The following OTUD7A variants were observed in gnomAD, a reference collection of about 807,000 sequenced individuals.
OTUD7A encodes the protein OTU deubiquitinase 7A, also known as OTU domain-containing protein 7A.
A neutral mutation model predicts 65.7 loss-of-function variants in OTUD7A; 12 were observed. That is an observed-to-expected ratio of 0.18 (90% CI 0.12 to 0.30). The LOEUF (loss-of-function observed/expected upper bound fraction) is 0.30, where lower values mean the gene tolerates loss of function less well. Ranked by LOEUF, OTUD7A falls within the 10% of genes least tolerant of loss-of-function variation. OTUD7A has a pLI of 1.00. For missense variants in OTUD7A, 1,148 were observed against 1,304.8 expected (o/e 0.88, Z 1.85); for synonymous variants, 641 against 586.3 (o/e 1.09, Z -1.35).
intron 1 of OTUD7A, among the ~76,000 whole-genome samples, chr15:31,662,067 A>T (rs1892180723): frequency 6.6e-6 from 1 of 152,208 alleles, no homozygotes; most frequent in African/African-American, 2.4e-5. Flanking sequence ...AATTTGGGGC[A>T]CACTTTGGTG....
rs910028728 is a variant in OTUD7A, at chr15:31,482,047, C to T, written c.*1247G>A. 1 of 152,202 alleles carries T rather than the reference C, an allele frequency of 6.6e-6. No homozygotes were observed. The highest frequency in any genetic ancestry group is 1.5e-5 in the Non-Finnish European group (1 of 68,044). The allele number at this position is 152,202 out of a possible 1,614,324, so 9.4% of individuals were successfully genotyped here. On this transcript the variant is annotated 3_prime_UTR_variant, in exon 13 of 13. Transcript: ENST00000307050. ...TGTCCTTGGCCAAGAACGGTGTTCT[C>T]CGGAGGTAATCTTGGAAGGAAGAGG... is the stretch of plus-strand genomic sequence containing the variant.
intron 8 of OTUD7A, among the ~76,000 whole-genome samples, chr15:31,523,077 T>C (rs1338900742): frequency 6.6e-6 from 1 of 152,204 alleles, no homozygotes; most frequent in Non-Finnish European, 1.5e-5. Context: ...CTGCAAACTC[T>C]CCCTTGACTT....
chr15:31,698,362 C>T (rs1893131898), intron 1 of OTUD7A, among the ~76,000 whole-genome samples: 3 of 152,144 alleles, frequency 2.0e-5, no homozygotes, highest in African/African-American at 7.2e-5. Flanking sequence ...AGAGAGTCAT[C>T]CCTCCACCCC....
chr15:31,584,440 T>C (rs1889467040), intron 3 of OTUD7A, among the ~76,000 whole-genome samples: 1 of 152,196 alleles, frequency 6.6e-6, no homozygotes, highest in Admixed American at 6.5e-5. Flanking sequence ...TGACCCGCCC[T>C]GGGCTCAACA....
intron 1 of OTUD7A, among the ~76,000 whole-genome samples, chr15:31,835,936 A>C (rs1897045360): frequency 9.4e-6 from 1 of 106,864 alleles, no homozygotes; most frequent in South Asian, 4.2e-4. Context: ...GAGGATCCCT[A>C]ATCTGAAAAT....
chr15:31,565,682 G>C lies in OTUD7A; in HGVS notation c.331+4336C>G, dbSNP rs529386335. On this transcript the variant is annotated intron_variant, in intron 4 of 12. Transcript: ENST00000307050. The stretch of plus-strand genomic sequence containing the variant: ...TGAAACCACTGAGTCAAGTGTAACA[G>C]GGGGGCAGCCACAGGGGTGGGCAGA... Among the ~76,000 whole-genome samples the C allele has an allele frequency of 2.6e-5, 4 of 152,290 alleles. No homozygotes were observed. The East Asian group carries it at 5.8e-4, about 22-fold the overall frequency.
rs555716404 is a variant in OTUD7A at position 31,595,592 on chromosome 15, C to T, written c.152-25395G>A. 2.1e-3 allele frequency among the ~76,000 whole-genome samples: 319 copies of T among 152,330 alleles called. 3 individuals are homozygous for T. The highest frequency in any genetic ancestry group is 7.4e-3 in the African/African-American group (308 of 41,576). ...CAGCCAATCCCTCTGGCATCATTTC[C>T]TACAAAGTATCACACACATAGTAGC... On this transcript the variant is annotated intron_variant, in intron 3 of 12. Transcript: ENST00000307050.
chr15:31,834,804 A>T lies in OTUD7A; in HGVS notation c.-100+35703T>A, dbSNP rs574122004. ...TGGTTATCTGCAGTGTATGAACACT[A>T]CTAATTCAGGCAGCATCCTAAAAGG... On this transcript the variant is annotated intron_variant, in intron 1 of 12. Transcript: ENST00000307050. Among the ~76,000 whole-genome samples, 4 of 152,374 alleles carry T rather than the reference A, an allele frequency of 2.6e-5. No homozygotes were observed. In the East Asian group the frequency reaches 7.7e-4, roughly 29 times the overall value.
At chr15:31,602,201 C>G (rs1008655740) in intron 3 of OTUD7A, among the ~76,000 whole-genome samples, 3 of 152,062 alleles carry the variant, frequency 2.0e-5, no homozygotes, top group African/African-American at 7.2e-5. Context: ...TGAAAAAATC[C>G]TCAATAAAAT....
chr15:31,597,584 G>A (rs111551264), intron 3 of OTUD7A, among the ~76,000 whole-genome samples: 109 of 151,398 alleles, frequency 7.2e-4, no homozygotes, highest in African/African-American at 2.6e-3. Context: ...ACTCCATCCT[G>A]TTCTGGGATA....
chr15:31,480,981 G>T lies in OTUD7A; in HGVS notation c.*2313C>A, dbSNP rs2041109225. ...ACTTGGAAATGCAAGGGTAGAATAG[G>T]TCCTGGTGTTTTGATAATTACGTAC... On this transcript the variant is annotated 3_prime_UTR_variant, in exon 13 of 13. Transcript: ENST00000307050. The T allele has an allele frequency of 6.6e-6, 1 of 152,252 alleles. No homozygotes were observed. The highest frequency in any genetic ancestry group is 1.5e-5 in the Non-Finnish European group (1 of 68,042). The allele number at this position is 152,252 out of a possible 1,614,324, so 9.4% of individuals were successfully genotyped here.
intron 1 of OTUD7A, among the ~76,000 whole-genome samples, chr15:31,684,506 C>T (rs1892791384): frequency 6.6e-6 from 1 of 151,846 alleles, no homozygotes; most frequent in African/African-American, 2.4e-5. Flanking sequence ...AAGGCTGCAA[C>T]CAAAATGTGA....
intron 1 of OTUD7A, among the ~76,000 whole-genome samples, chr15:31,715,300 T>C (rs1191499884): frequency 6.9e-6 from 1 of 145,174 alleles, no homozygotes. Flanking sequence ...GGCGCCTGGC[T>C]GTCCAGAACC....
chr15:31,673,193 G>A (rs963786728), intron 1 of OTUD7A, among the ~76,000 whole-genome samples: 3 of 152,220 alleles, frequency 2.0e-5, no homozygotes, highest in Admixed American at 1.3e-4. Context: ...CTTGACTTAT[G>A]ATGGGGTAAC....
intron 1 of OTUD7A, among the ~76,000 whole-genome samples, chr15:31,748,214 TGAAA>T (rs1894531200): frequency 6.6e-6 from 1 of 152,114 alleles, no homozygotes; most frequent in Non-Finnish European, 1.5e-5. Flanking sequence ...ACTATAGTTA[TGAAA>T]GAGAGTGTCC....
At chr15:31,530,581 G>T in intron 6 of OTUD7A, 126 bp downstream of exon 6, 1 of 841,688 alleles carries the variant, frequency 1.2e-6, no homozygotes, top group Non-Finnish European at 1.8e-6. Flanking sequence ...ACTTTCTCAT[G>T]ACAGTGACAT....
intron 1 of OTUD7A, among the ~76,000 whole-genome samples, chr15:31,664,611 T>C (rs189575960): frequency 6.6e-5 from 10 of 152,342 alleles, no homozygotes; most frequent in Admixed American, 6.5e-4. Flanking sequence ...GTGGGGTATC[T>C]GTTTACTCTG....
intron 1 of OTUD7A, among the ~76,000 whole-genome samples, chr15:31,833,574 T>C (rs1377458205): frequency 1.3e-5 from 2 of 152,230 alleles, no homozygotes; most frequent in African/African-American, 4.8e-5. Context: ...AAAATATCCA[T>C]TCTGACCACT....
intron 1 of OTUD7A, among the ~76,000 whole-genome samples, chr15:31,811,989 G>A (rs1347672137): frequency 6.6e-6 from 1 of 152,234 alleles, no homozygotes; most frequent in Non-Finnish European, 1.5e-5. Flanking sequence ...GCTGCGGGAG[G>A]ATGCTGGTCA....
Sources: allele counts gnomAD v4.1 joint callset (sites outside exome capture counted in the v4.1 genomes callset), GRCh38; gene constraint gnomAD v4.1.1; transcripts MANE v1.5; gene names NCBI Gene and HGNC (gene_info 2026-07-23, HGNC 2026-07-21).